Variants in CREBBP observed in about 807,000 individuals in gnomAD.
CREBBP encodes the protein CREB binding lysine acetyltransferase, also known as CREB-binding protein.
Under a neutral mutation model 265.0 loss-of-function variants are expected in CREBBP, and 19 were observed. The ratio of observed to expected loss-of-function variants is 0.07; its 90% CI spans 0.05 to 0.11. The LOEUF (loss-of-function observed/expected upper bound fraction) is 0.11, where lower values mean the gene tolerates loss of function less well. Ranked by LOEUF, CREBBP falls within the 10% of genes least tolerant of loss-of-function variation. The pLI is 1.00. For synonymous variants in CREBBP, 1,457 were observed against 1,223.7 expected (o/e 1.19, Z -3.98); for missense variants, 2,525 against 3,219.0 (o/e 0.78, Z 5.22).
rs2151305682 is a variant in CREBBP, at chr16:3,728,867, C to G, written c.6180G>C (p.Arg2060Ser). The G allele has an allele frequency of 6.2e-7, 1 of 1,612,588 alleles. No homozygotes were observed. The highest frequency in any genetic ancestry group is 1.1e-5 in the South Asian group (1 of 91,072). The change falls in exon 31 of 31, where the codon AGG (arginine) becomes AGC (serine). Residue 2060 changes from arginine (R) to serine (S), a missense_variant. Arg to Ser is a moderately radical substitution (Grantham distance 110, BLOSUM62 -1). Coordinates refer to ENST00000262367, the MANE Select transcript of CREBBP (RefSeq NM_004380.3). This position sits in a 1 kb window ranked among gnomAD's most constrained non-coding sequence, Gnocchi z 8.7. ...CTTGCAGAGCGCTGGGTGAGATGCT[C>G]CTGGGTGGCTGCACGCTGGGCATCC... is the stretch of plus-strand genomic sequence containing the variant. ...GPRMPSVQPP[R>S]SISPSALQDL...
intron 1 of CREBBP, among the ~76,000 whole-genome samples, chr16:3,858,508 G>A (rs1365459439): frequency 2.6e-5 from 4 of 152,202 alleles, no homozygotes; most frequent in African/African-American, 9.6e-5. Context: ...GCGTGGGGCT[G>A]TAAGCTCCCT....
chr16:3,851,049 C>T (rs1219953064), intron 1 of CREBBP, 40 bp from the exon 2 acceptor site: 2 of 1,553,774 alleles, frequency 1.3e-6, no homozygotes, highest in Non-Finnish European at 1.8e-6. Context: ...AACTAAGCAA[C>T]CTTTACAGCT....
At chr16:3,852,106 A>G (rs1440742647) in intron 1 of CREBBP, among the ~76,000 whole-genome samples, 1 of 134,286 alleles carries the variant, frequency 7.4e-6, no homozygotes, top group Non-Finnish European at 1.6e-5. Context: ...GTAACTGGGC[A>G]TTGACTTAGA....
chr16:3,861,964 GAGCTC>G (rs2055084805), intron 1 of CREBBP, among the ~76,000 whole-genome samples: 3 of 152,156 alleles, frequency 2.0e-5, no homozygotes, highest in African/African-American at 7.2e-5. Flanking sequence ...AAGAGCCAGA[GAGCTC>G]GGCCGGCAGC....
In CREBBP at chr16:3,770,765, G is replaced by A. The variant is rs773318840; in HGVS notation, c.2685C>T (p.Ser895=). The change falls in exon 14 of 31, where the codon TCC becomes TCT. Residue 895 remains serine, a synonymous_variant. Transcript: ENST00000262367. ...PTQPSTPVSS[S]GQTPTPTPGS... is the part of the protein sequence containing the mutation. ...CAGGAGTCGGGGTGGGAGTCTGCCC[G>A]GAAGACGACACAGGAGTTGATGGCT... 20 of 1,613,984 alleles carry A rather than the reference G, an allele frequency of 1.2e-5. No homozygotes were observed. The highest frequency in any genetic ancestry group is 2.2e-5 in the South Asian group (2 of 91,086).
intron 13 of CREBBP, among the ~76,000 whole-genome samples, chr16:3,771,311 C>G (rs1324948061): frequency 6.6e-6 from 1 of 152,096 alleles, no homozygotes; most frequent in Non-Finnish European, 1.5e-5. Flanking sequence ...TCAAGTGATC[C>G]TCCCGCCTCG....
At chr16:3,851,576 C>T (rs920037886) in intron 1 of CREBBP, among the ~76,000 whole-genome samples, 20 of 152,112 alleles carry the variant, frequency 1.3e-4, no homozygotes, top group Admixed American at 3.3e-4. Flanking sequence ...TATGTGTGGC[C>T]GGGCATGGTG....
intron 2 of CREBBP, among the ~76,000 whole-genome samples, chr16:3,813,838 G>A (rs2053983767): frequency 6.6e-6 from 1 of 152,176 alleles, no homozygotes; most frequent in Non-Finnish European, 1.5e-5. Context: ...TCTTTTGGAA[G>A]TTTCTAATTA....
In CREBBP at chr16:3,850,621, T is replaced by C. The variant is rs1407415875; in HGVS notation, c.474A>G (p.Gln158=). 11 of 1,614,236 alleles carry C rather than the reference T, an allele frequency of 6.8e-6. No homozygotes were observed. Reference sequence around the variant, plus strand: ...CAGGGCTGCTAGTCGCCAGCCCCACTTGCTTTTGTGCTTGCGGATTCAGTG... The same window carrying C: ...CAGGGCTGCTAGTCGCCAGCCCCACCTGCTTTTGTGCTTGCGGATTCAGTG... ...SQALNPQAQK[Q]VGLATSSPAT... is the part of the protein sequence containing the mutation. Residue 158 remains glutamine (Q), a synonymous_variant, in exon 2 of 31, where the codon CAA becomes CAG. Coordinates refer to ENST00000262367, the MANE Select transcript of CREBBP (RefSeq NM_004380.3).
intron 16 of CREBBP, among the ~76,000 whole-genome samples, chr16:3,760,127 T>A (rs2052678854): frequency 6.6e-6 from 1 of 152,212 alleles, no homozygotes; most frequent in African/African-American, 2.4e-5. Flanking sequence ...GGTCGCACTC[T>A]GTTGCCCAGG....
chr16:3,868,950 G>A (rs891240876), intron 1 of CREBBP, among the ~76,000 whole-genome samples: 6 of 152,140 alleles, frequency 3.9e-5, no homozygotes, highest in Non-Finnish European at 8.8e-5. Context: ...CCCCCGCAGG[G>A]CAGAACCACA....
At chr16:3,790,366 C>CCT (rs2053478509) in intron 5 of CREBBP, among the ~76,000 whole-genome samples, 1 of 66,588 alleles carries the variant, frequency 1.5e-5, no homozygotes, top group African/African-American at 5.9e-5. Context: ...AGGAAACTGG[C>CCT]TTTTTTTTTT....
At chr16:3,851,630 G>A (rs903605187) in intron 1 of CREBBP, among the ~76,000 whole-genome samples, 5 of 152,020 alleles carry the variant, frequency 3.3e-5, no homozygotes, top group Non-Finnish European at 5.9e-5. Context: ...TGAGGCAGGC[G>A]GATCACGAGG....
chr16:3,862,210 A>G (rs1423745341), intron 1 of CREBBP, among the ~76,000 whole-genome samples: 2 of 152,234 alleles, frequency 1.3e-5, no homozygotes, highest in Non-Finnish European at 2.9e-5. Flanking sequence ...AAGGCTTCAA[A>G]TAAGAGGCTC....
At chr16:3,844,559 T>C (rs1324884059) in intron 2 of CREBBP, among the ~76,000 whole-genome samples, 4 of 152,184 alleles carry the variant, frequency 2.6e-5, no homozygotes, top group Non-Finnish European at 4.4e-5. Flanking sequence ...ACATTATTCT[T>C]AATAACAGAA....
At position 3,872,392 on chromosome 16, in the gene CREBBP, G is replaced by A. The variant is rs1009622211; in HGVS notation, c.85+7440C>T. ...CCAGGACGCCCCGGGGACTCTGCTC[G>A]TGGCCTATTGTAGCACCCCTGTCAG... On this transcript the variant is annotated intron_variant, in intron 1 of 30. Transcript: ENST00000262367. Among the ~76,000 whole-genome samples, 19 of 152,090 alleles carry A rather than the reference G, an allele frequency of 1.2e-4. 1 individual carries two copies. The highest frequency in any genetic ancestry group is 3.2e-3 in the Middle Eastern group (1 of 316).
At chr16:3,781,173 A>G in intron 7 of CREBBP, 31 bp downstream of exon 7, 1 of 1,570,152 alleles carries the variant, frequency 6.4e-7, no homozygotes, top group South Asian at 1.1e-5. Flanking sequence ...CTCCTGTTGG[A>G]CTGTCACTCA....
chr16:3,744,225 C>A (rs1390322330), intron 23 of CREBBP, among the ~76,000 whole-genome samples: 2 of 152,166 alleles, frequency 1.3e-5, no homozygotes, highest in East Asian at 3.9e-4. Flanking sequence ...GGGGTGGTGG[C>A]TGGTTCCCAG....
intron 22 of CREBBP, 83 bp downstream of exon 22, chr16:3,745,194 T>A: frequency 8.0e-7 from 1 of 1,245,386 alleles, no homozygotes; most frequent in African/African-American, 1.5e-5. Context: ...CTGACAACAA[T>A]GAATGAGATG....
Sources: gnomAD v4.1 joint callset for allele counts (sites outside exome capture counted in the v4.1 genomes callset) on GRCh38, gnomAD v4.1.1 for gene constraint, Gnocchi (gnomAD v3.1) non-coding constraint, MANE v1.5 for transcripts, NCBI Gene and HGNC (gene_info 2026-07-23, HGNC 2026-07-21) for gene names.